DPP6: variants seen among roughly 807,000 people sequenced by gnomAD.
DPP6 encodes dipeptidyl peptidase like 6, also known as A-type potassium channel modulatory protein DPP6.
Under a neutral mutation model 122.6 loss-of-function variants are expected in DPP6, and 69 were observed. The ratio of observed to expected loss-of-function variants is 0.56; its 90% CI spans 0.46 to 0.69. The LOEUF is 0.69. DPP6 is among the 30% of genes least tolerant of loss of function. The pLI is 0.00. For synonymous variants in DPP6, 418 were observed against 433.1 expected (o/e 0.97, Z 0.43); for missense variants, 928 against 1,116.9 (o/e 0.83, Z 2.41).
intron 1 of DPP6, among the ~76,000 whole-genome samples, chr7:153,961,637 T>C (rs1356407213): frequency 1.3e-5 from 2 of 151,774 alleles, no homozygotes; most frequent in Non-Finnish European, 2.9e-5. Context: ...CTTATTCTTA[T>C]TACATTGTAA....
the DPP6 span, among the ~76,000 whole-genome samples, chr7:153,855,527 G>T: frequency 1.3e-5 from 2 of 152,144 alleles, no homozygotes; most frequent in South Asian, 2.1e-4. Flanking sequence ...GAAACTTCAT[G>T]CATTAATTTT....
chr7:153,891,155 A>G (rs1429058922), intron 1 of DPP6, among the ~76,000 whole-genome samples: 2 of 148,072 alleles, frequency 1.4e-5, no homozygotes, highest in Non-Finnish European at 3.0e-5. Context: ...CCCAGTAGCT[A>G]GGACTACAGG....
At chr7:153,919,979 T>C (rs1178446140) in intron 1 of DPP6, among the ~76,000 whole-genome samples, 1 of 152,246 alleles carries the variant, frequency 6.6e-6, no homozygotes, top group Non-Finnish European at 1.5e-5. Flanking sequence ...ATAGTAATAG[T>C]ACCTGGAGGT....
intron 3 of DPP6, among the ~76,000 whole-genome samples, chr7:154,540,088 G>A (rs533317101): frequency 8.5e-5 from 13 of 152,320 alleles, no homozygotes; most frequent in African/African-American, 3.1e-4. Context: ...CTCCAAGCAA[G>A]AGCACCTAGG....
At chr7:153,980,262 G>A (rs970705535) in intron 1 of DPP6, among the ~76,000 whole-genome samples, 2 of 152,062 alleles carry the variant, frequency 1.3e-5, no homozygotes, top group Admixed American at 6.6e-5. Flanking sequence ...CTTCTTCGTG[G>A]TTTAGTCTTG....
the DPP6 span, among the ~76,000 whole-genome samples, chr7:153,797,920 T>C: frequency 9.2e-5 from 14 of 152,188 alleles, no homozygotes; most frequent in East Asian, 1.9e-4. Flanking sequence ...TGGCTCACTA[T>C]AAGCTCCGCC....
At chr7:154,230,581 G>C (rs1043980067) in intron 1 of DPP6, among the ~76,000 whole-genome samples, 3 of 152,156 alleles carry the variant, frequency 2.0e-5, no homozygotes, top group Non-Finnish European at 4.4e-5. Flanking sequence ...TTTTACAGTT[G>C]AGGGGCTGGT....
chr7:154,452,591 C>T (rs914646527), intron 2 of DPP6, among the ~76,000 whole-genome samples: 3 of 152,224 alleles, frequency 2.0e-5, no homozygotes, highest in African/African-American at 7.2e-5. Context: ...TATTGCAACT[C>T]AGAGTACAGT....
intron 1 of DPP6, among the ~76,000 whole-genome samples, chr7:154,020,110 A>AC (rs1471118135): frequency 6.8e-5 from 10 of 147,934 alleles, no homozygotes; most frequent in Admixed American, 5.4e-4. Flanking sequence ...ACACACACAC[A>AC]AACACACACA....
rs546123535 is a variant in DPP6 at position 154,656,549 on chromosome 7, A to G, written c.681-12811A>G. ...CTCGATGGACACAGAAGATCTTCAG[A>G]GAAGCAATTTCAGCTTTAAAAATGG... is the stretch of plus-strand genomic sequence containing the variant. On this transcript the variant is annotated intron_variant, in intron 6 of 25. Transcript: ENST00000377770. Among the ~76,000 whole-genome samples the G allele has an allele frequency of 2.0e-5, 3 of 152,334 alleles. No individual in the cohort carries two copies. The South Asian group carries it at 6.2e-4, about 32-fold the overall frequency.
chr7:154,140,601 G>A (rs550199822), intron 1 of DPP6, among the ~76,000 whole-genome samples: 101 of 152,252 alleles, frequency 6.6e-4, no homozygotes, highest in African/African-American at 2.1e-3. Flanking sequence ...GATTACAGGC[G>A]TGAAACACTG....
chr7:154,128,635 C>T (rs1360818069), intron 1 of DPP6, among the ~76,000 whole-genome samples: 10 of 152,096 alleles, frequency 6.6e-5, no homozygotes, highest in Non-Finnish European at 8.8e-5. Context: ...GTGATCCACC[C>T]GCCTCGGCCT....
In DPP6 at chr7:154,877,845, A is replaced by T. The variant is rs1805025807; in HGVS notation, c.2078+1745A>T. On this transcript the variant is annotated intron_variant, in intron 20 of 25. Transcript: ENST00000377770. The surrounding 1 kb of genome is among the most constrained non-coding windows in gnomAD (Gnocchi z 5.2). ...ACCAGTGTGGGGCCAGCCCCTGAGC[A>T]GAGGATGTGGGGTGACAAGGGAATG... 6.6e-6 allele frequency among the ~76,000 whole-genome samples: 1 copy of T among 152,136 alleles called. No homozygotes were observed. The highest frequency in any genetic ancestry group is 1.5e-5 in the Non-Finnish European group (1 of 68,018).
At chr7:154,768,710 G>C (rs1313390569) in intron 8 of DPP6, among the ~76,000 whole-genome samples, 1 of 152,196 alleles carries the variant, frequency 6.6e-6, no homozygotes, top group African/African-American at 2.4e-5. Flanking sequence ...GACACTGATG[G>C]GCTAGGAAGG....
At chr7:154,225,805 C>A (rs956549637) in intron 1 of DPP6, among the ~76,000 whole-genome samples, 2 of 152,142 alleles carry the variant, frequency 1.3e-5, no homozygotes, top group African/African-American at 2.4e-5. Flanking sequence ...AACCAAAATT[C>A]TTTTCCTGGG....
chr7:154,280,718 A>G (rs1044005206), intron 1 of DPP6, among the ~76,000 whole-genome samples: 1 of 152,188 alleles, frequency 6.6e-6, no homozygotes, highest in East Asian at 1.9e-4. Context: ...CCGTGTTGAC[A>G]TATTTATCTT....
At chr7:154,509,390 A>G (rs1049647390) in intron 3 of DPP6, among the ~76,000 whole-genome samples, 2 of 152,246 alleles carry the variant, frequency 1.3e-5, no homozygotes, top group African/African-American at 4.8e-5. Flanking sequence ...ATTTGACGTC[A>G]TCGTTCAGCA....
At chr7:154,388,628 C>A (rs947845199) in intron 1 of DPP6, among the ~76,000 whole-genome samples, 1 of 152,040 alleles carries the variant, frequency 6.6e-6, no homozygotes, top group Non-Finnish European at 1.5e-5. Flanking sequence ...TGCCCTGATG[C>A]CCAGGCCAGC....
chr7:153,887,710 C>G, exon 1 of DPP6: 1 of 1,613,866 alleles, frequency 6.2e-7, no homozygotes, highest in East Asian at 2.2e-5. Flanking sequence ...TGATCAAGAC[C>G]GCTAAGATGC....
Sources: allele counts gnomAD v4.1 joint callset (sites outside exome capture counted in the v4.1 genomes callset), GRCh38; gene constraint gnomAD v4.1.1; non-coding constraint Gnocchi (gnomAD v3.1); transcripts MANE v1.5; gene names NCBI Gene and HGNC (gene_info 2026-07-23, HGNC 2026-07-21).